The following LRIG3 variants were observed in gnomAD, a reference collection of about 807,000 sequenced individuals.
LRIG3 encodes the protein leucine rich repeats and immunoglobulin like domains 3.
Under a neutral mutation model 114.5 loss-of-function variants are expected in LRIG3, and 76 were observed. The ratio of observed to expected loss-of-function variants is 0.66; its 90% CI spans 0.55 to 0.80. The LOEUF (loss-of-function observed/expected upper bound fraction) is 0.80, where lower values mean the gene tolerates loss of function less well. LRIG3 is among the 30% of genes least tolerant of loss of function. The pLI, the probability that LRIG3 is intolerant of heterozygous loss-of-function variation, is 0.00. For synonymous variants in LRIG3, 512 were observed against 519.8 expected (o/e 0.98, Z 0.20); for missense variants, 1,239 against 1,382.8 (o/e 0.90, Z 1.65).
At chr12:58,874,689 A>C (rs1163065887) in intron 16 of LRIG3, 116 bp from the exon 17 acceptor site, 14 of 1,401,904 alleles carry the variant, frequency 1.0e-5, no homozygotes, top group African/African-American at 1.5e-5. Context: ...CATCATATAG[A>C]CAAAAAAATT....
intron 3 of LRIG3, among the ~76,000 whole-genome samples, chr12:58,907,939 A>G (rs1220865098): frequency 6.6e-6 from 1 of 152,224 alleles, no homozygotes; most frequent in Admixed American, 6.5e-5. Context: ...ATTAGAGACT[A>G]CACATGCTGT....
intron 12 of LRIG3, 107 bp from the exon 13 acceptor site, chr12:58,881,008 C>T (rs1871111574): frequency 9.4e-7 from 1 of 1,068,422 alleles, no homozygotes. Flanking sequence ...TTAGGTTTTA[C>T]CCTTTGTGTA....
At chr12:58,890,881 C>A (rs558673341) in intron 3 of LRIG3, 85 bp from the exon 4 acceptor site, 2 of 1,377,276 alleles carry the variant, frequency 1.5e-6, no homozygotes, top group East Asian at 5.1e-5. Context: ...CTGACTGGTT[C>A]TTCAGAAATA....
At position 58,874,282 on chromosome 12, in the gene LRIG3, C is replaced by T; in HGVS notation, c.2888G>A (p.Ser963Asn). 1 of 1,613,976 alleles carries T rather than the reference C, an allele frequency of 6.2e-7. No homozygotes were observed. Among genetic ancestry groups the T allele is most frequent in the South Asian group, 1.1e-5 (1 of 91,032 alleles). ...RTVLMDHYEP[S>N]YIKKKECYPC... ...GTAGCACTCCTTTTTCTTTATGTAACTGGGCTCATAGTGGTCCATTAAAAC... is the reference window on the plus strand; with the variant it reads ...GTAGCACTCCTTTTTCTTTATGTAATTGGGCTCATAGTGGTCCATTAAAAC... Residue 963 changes from serine to asparagine, a missense_variant, in exon 18 of 19, where the codon AGT becomes AAT. Ser to Asn is a conservative substitution (Grantham distance 46, BLOSUM62 1). Transcript: ENST00000320743.
At chr12:58,874,771 C>T (rs1317197402) in intron 16 of LRIG3, among the ~76,000 whole-genome samples, 198 bp from the exon 17 acceptor site, 2 of 152,276 alleles carry the variant, frequency 1.3e-5, no homozygotes, top group Non-Finnish European at 2.9e-5. Flanking sequence ...GGTGTGGTGG[C>T]CTTATTGCTC....
intron 14 of LRIG3, among the ~76,000 whole-genome samples, chr12:58,878,536 AGAG>A (rs996114793): frequency 3.9e-5 from 6 of 152,124 alleles, no homozygotes. Context: ...TGGGGAAATT[AGAG>A]GAGGGTGATC....
chr12:58,910,743 A>C (rs1433556378), intron 3 of LRIG3, among the ~76,000 whole-genome samples: 1 of 152,370 alleles, frequency 6.6e-6, no homozygotes, highest in Admixed American at 6.5e-5. Flanking sequence ...AACCATTAGC[A>C]TCAAGACTAA....
chr12:58,876,873 A>G (rs1870938474), intron 15 of LRIG3, among the ~76,000 whole-genome samples: 1 of 152,246 alleles, frequency 6.6e-6, no homozygotes, highest in African/African-American at 2.4e-5. Context: ...AGATTTTTTA[A>G]AAGGCTGAAG....
chr12:58,885,464 A>C (rs570047457), intron 10 of LRIG3, among the ~76,000 whole-genome samples: 1 of 152,334 alleles, frequency 6.6e-6, no homozygotes, highest in African/African-American at 2.4e-5. Context: ...CTAAGAATTA[A>C]ATGAGAATAT....
At chr12:58,909,982 C>T (rs913098449) in intron 3 of LRIG3, among the ~76,000 whole-genome samples, 3 of 152,138 alleles carry the variant, frequency 2.0e-5, no homozygotes, top group African/African-American at 2.4e-5. Context: ...TTCTGCTTTA[C>T]GTCTCTTCAA....
chr12:58,904,399 G>A (rs541438458), intron 3 of LRIG3, among the ~76,000 whole-genome samples: 31 of 152,294 alleles, frequency 2.0e-4, no homozygotes, highest in Admixed American at 2.0e-3. Context: ...TTGGCACAGA[G>A]AAGTCTCTTG....
intron 12 of LRIG3, 22 bp downstream of exon 12, chr12:58,882,847 C>T (rs1247216079): frequency 6.4e-7 from 1 of 1,564,766 alleles, no homozygotes; most frequent in Non-Finnish European, 8.7e-7. Context: ...AAATAAAAGG[C>T]AAGGGCAATA....
At position 58,874,283 on chromosome 12, in the gene LRIG3, TG is replaced by T; in HGVS notation, c.2886del (p.Ser963ValfsTer3). The T allele has an allele frequency of 6.2e-7, 1 of 1,614,016 alleles. No homozygotes were observed. Among genetic ancestry groups the T allele is most frequent in the Non-Finnish European group, 8.5e-7 (1 of 1,179,974 alleles). ...TAGCACTCCTTTTTCTTTATGTAAC[TG>T]GGCTCATAGTGGTCCATTAAAACTG... ...PRTVLMDHYE[P>X]SYIKKKECYP... is the part of the protein sequence containing the mutation. On this transcript the variant is annotated frameshift_variant, in exon 18 of 19. Transcript: ENST00000320743. LOFTEE classifies it high-confidence loss of function.
Position 58,876,615 on chromosome 12 carries a change from C to T in LRIG3, c.2537-12G>A, listed in dbSNP as rs1870927391. On this transcript the variant is annotated splice_polypyrimidine_tract_variant and intron_variant, in intron 15 of 18. Transcript: ENST00000320743. ...CAAGTTGGTCTCATCTGTAATAAAA[C>T]AGCAGCATTTTATTAACCAAGGATG... The T allele has an allele frequency of 1.2e-6, 2 of 1,613,760 alleles. No homozygotes were observed. The highest frequency in any genetic ancestry group is 1.7e-6 in the Non-Finnish European group (2 of 1,179,876).
chr12:58,912,032 C>T (rs535461349), intron 3 of LRIG3, among the ~76,000 whole-genome samples: 1 of 152,210 alleles, frequency 6.6e-6, no homozygotes, highest in East Asian at 1.9e-4. Flanking sequence ...GGTATTGTAA[C>T]ACATTAAGGA....
chr12:58,920,443 G>T lies in LRIG3; in HGVS notation c.-208C>A. 1 of 407,874 alleles carries T rather than the reference G, an allele frequency of 2.5e-6. No homozygotes were observed. Among genetic ancestry groups the T allele is most frequent in the East Asian group, 3.8e-5 (1 of 26,534 alleles). The allele number at this position is 407,874 out of a possible 1,614,324, so 25.3% of individuals were successfully genotyped here. A position where few individuals can be genotyped will look rare whatever the true frequency, so the allele number is the denominator to read the frequency against. ...AGCAGGAGGGAAACCGAAAAGAACT[G>T]CCAACTGCAACAGAGTTGCAGCTTG... On this transcript the variant is annotated 5_prime_UTR_variant, in exon 1 of 19. Coordinates refer to ENST00000320743, the MANE Select transcript of LRIG3 (RefSeq NM_153377.5).
At chr12:58,902,348 C>T (rs1871885365) in intron 3 of LRIG3, among the ~76,000 whole-genome samples, 1 of 152,100 alleles carries the variant, frequency 6.6e-6, no homozygotes, top group Admixed American at 6.5e-5. Context: ...TGCTCATGCA[C>T]ACTAAAAATG....
chr12:58,896,861 T>C (rs1276432061), intron 3 of LRIG3, among the ~76,000 whole-genome samples: 1 of 152,222 alleles, frequency 6.6e-6, no homozygotes, highest in African/African-American at 2.4e-5. Context: ...TACTAATTTC[T>C]ATATATAACT....
At chr12:58,882,638 A>T (rs1324928908) in intron 12 of LRIG3, among the ~76,000 whole-genome samples, 1 of 152,136 alleles carries the variant, frequency 6.6e-6, no homozygotes, top group African/African-American at 2.4e-5. Flanking sequence ...TTTCATTCTC[A>T]TTCCACCGCA....
Sources: gnomAD v4.1 joint callset for allele counts (sites outside exome capture counted in the v4.1 genomes callset) on GRCh38, gnomAD v4.1.1 for gene constraint, MANE v1.5 for transcripts, NCBI Gene and HGNC (gene_info 2026-07-23, HGNC 2026-07-21) for gene names.